The following MICU3 variants were observed in gnomAD, a reference collection of about 807,000 sequenced individuals.
The protein encoded by MICU3 is mitochondrial calcium uptake 3, also known as calcium uptake protein 3, mitochondrial.
MICU3 carries 62 observed loss-of-function variants against 66.5 expected under a neutral mutation model. The ratio of observed to expected loss-of-function variants is 0.93; its 90% confidence interval spans 0.76 to 1.15. The LOEUF (loss-of-function observed/expected upper bound fraction) is 1.15, where lower values mean the gene tolerates loss of function less well. Ranked by LOEUF, MICU3 falls within the 50% of genes most tolerant of loss-of-function variation. MICU3 has a pLI of 0.00. For missense variants in MICU3, 779 were observed against 664.4 expected (o/e 1.17, Z -1.90); for synonymous variants, 308 against 240.7 (o/e 1.28, Z -2.59).
chr8:17,094,271 A>C (rs1800424216), intron 8 of MICU3, among the ~76,000 whole-genome samples: 1 of 152,006 alleles, frequency 6.6e-6, no homozygotes, highest in African/African-American at 2.4e-5. Flanking sequence ...GCTTTCAAGC[A>C]TTGTGGTCTG....
intron 1 of MICU3, among the ~76,000 whole-genome samples, chr8:17,060,200 T>G (rs1455593060): frequency 6.6e-6 from 1 of 152,190 alleles, no homozygotes; most frequent in African/African-American, 2.4e-5. Context: ...TCCTGTCTCA[T>G]TCTCCATCCA....
the MICU3 span, among the ~76,000 whole-genome samples, chr8:17,129,491 A>T: frequency 2.6e-5 from 4 of 152,226 alleles, no homozygotes; most frequent in African/African-American, 9.6e-5. Context: ...AGAATTGAAA[A>T]ATACAATACT....
chr8:17,091,949 C>G (rs1228502306), intron 8 of MICU3, among the ~76,000 whole-genome samples: 1 of 152,050 alleles, frequency 6.6e-6, no homozygotes, highest in African/African-American at 2.4e-5. Context: ...ATGATCTCAG[C>G]TCACTGCAAC....
chr8:17,036,457 A>C (rs1585165936), intron 1 of MICU3, among the ~76,000 whole-genome samples: 1 of 152,088 alleles, frequency 6.6e-6, no homozygotes, highest in Admixed American at 6.5e-5. Flanking sequence ...GGCCCCATCC[A>C]CATCCTGCTG....
In MICU3 at chr8:17,027,270, G is replaced by T. The variant is rs765405139; in HGVS notation, c.-10G>T. On this transcript the variant is annotated 5_prime_UTR_variant, in exon 1 of 15. Transcript: ENST00000318063. ...GCCCCCTCCCAGCTCTGGTGTGGGCGGCCTCCGCTATGGCTGCGCTGCGAA... is the reference window on the plus strand; with the variant it reads ...GCCCCCTCCCAGCTCTGGTGTGGGCTGCCTCCGCTATGGCTGCGCTGCGAA... 3 of 1,423,330 alleles carry T rather than the reference G, an allele frequency of 2.1e-6. No individual in the cohort carries two copies. The South Asian group carries it at 4.4e-5, about 21-fold the overall frequency. 88.2% of individuals were successfully genotyped at this position (1,423,330 alleles called of 1,614,324 possible). A position where few individuals can be genotyped will look rare whatever the true frequency, so the allele number is the denominator to read the frequency against.
the MICU3 span, chr8:17,131,968 C>G: frequency 2.0e-5 from 3 of 152,176 alleles, no homozygotes; most frequent in Admixed American, 1.3e-4. Context: ...ATACCTTCTA[C>G]GCACACTTGA....
chr8:17,133,174 T>C, the MICU3 span: 1 of 152,228 alleles, frequency 6.6e-6, no homozygotes, highest in Non-Finnish European at 1.5e-5. Context: ...CATTCTTTCA[T>C]CCTACTTTTG....
At chr8:17,051,780 G>T (rs1393668772) in intron 1 of MICU3, among the ~76,000 whole-genome samples, 2 of 152,098 alleles carry the variant, frequency 1.3e-5, no homozygotes, top group East Asian at 3.9e-4. Context: ...AGAGAGCCTT[G>T]CTGGAGTAAG....
At chr8:17,138,073 A>T in the MICU3 span, among the ~76,000 whole-genome samples, 1 of 151,948 alleles carries the variant, frequency 6.6e-6, no homozygotes, top group Non-Finnish European at 1.5e-5. Flanking sequence ...ATTATAATGG[A>T]GGAAGGAATA....
At chr8:17,051,594 T>G (rs751359130) in intron 1 of MICU3, among the ~76,000 whole-genome samples, 1 of 152,036 alleles carries the variant, frequency 6.6e-6, no homozygotes, top group Non-Finnish European at 1.5e-5. Flanking sequence ...CCCAGAGGGA[T>G]AGGAGGAAAA....
chr8:17,027,319 G>T lies in MICU3; in HGVS notation c.40G>T (p.Val14Leu). Residue 14 changes from valine to leucine, a missense_variant, in exon 1 of 15, where the codon GTG becomes TTG. Transcript: ENST00000318063. ...AAGGCTCTTGTGGCCGCCACCCCGG[G>T]TGTCTCCTCCACTCTGCGCTCACCA... ...LRRLLWPPPR[V>L]SPPLCAHQPL... is the part of the protein sequence containing the mutation. 7.0e-7 allele frequency: 1 copy of T among 1,421,418 alleles called. No individual in the cohort carries two copies. The allele number at this position is 1,421,418 out of a possible 1,614,324, so 88.1% of individuals were successfully genotyped here. A position where few individuals can be genotyped will look rare whatever the true frequency, so the allele number is the denominator to read the frequency against.
chr8:17,035,135 C>G (rs1275281991), intron 1 of MICU3, among the ~76,000 whole-genome samples: 2 of 152,196 alleles, frequency 1.3e-5, no homozygotes, highest in Non-Finnish European at 2.9e-5. Flanking sequence ...TGACTCTGCT[C>G]CTCTTTCACC....
chr8:17,116,573 G>C lies in MICU3; in HGVS notation c.1497G>C (p.Met499Ile). 1.3e-6 allele frequency: 2 copies of C among 1,564,418 alleles called. No individual in the cohort carries two copies. The highest frequency in any genetic ancestry group is 1.7e-6 in the Non-Finnish European group (2 of 1,163,786). ...QLSYKEFIGI[M>I]KDRLHRGFRG... ...GTTATAAAGAATTTATTGGAATTATGAAAGACAGACTCCATAGAGGATTCC... is the reference window on the plus strand; with the variant it reads ...GTTATAAAGAATTTATTGGAATTATCAAAGACAGACTCCATAGAGGATTCC... Residue 499 changes from methionine to isoleucine, a missense_variant, in exon 13 of 15, where the codon ATG (methionine) becomes ATC (isoleucine). Physicochemically the swap from Met to Ile is conservative, Grantham distance 10. Coordinates refer to ENST00000318063, the MANE Select transcript of MICU3 (RefSeq NM_181723.3).
At position 17,094,645 on chromosome 8, in the gene MICU3, T is replaced by TA. The variant is rs1404375354; in HGVS notation, c.889-3803dup. 2.0e-3 allele frequency among the ~76,000 whole-genome samples: 301 copies of TA among 150,070 alleles called. 1 individual carries two copies. The highest frequency in any genetic ancestry group is 2.7e-3 in the Non-Finnish European group (180 of 67,288). On this transcript the variant is annotated intron_variant, in intron 8 of 14. Coordinates refer to ENST00000318063, the MANE Select transcript of MICU3 (RefSeq NM_181723.3). Reference sequence around the variant, plus strand: ...TGACAGGCTCTCGCTTGGTTCATTTTAAAAAAAAAATGTCTACCAGGTACT... The same window carrying TA: ...TGACAGGCTCTCGCTTGGTTCATTTTAAAAAAAAAAATGTCTACCAGGTACT...
intron 1 of MICU3, among the ~76,000 whole-genome samples, chr8:17,035,985 A>G (rs1231334640): frequency 6.6e-6 from 1 of 152,198 alleles, no homozygotes; most frequent in Non-Finnish European, 1.5e-5. Context: ...GGCCGGGACT[A>G]GTACCTTTGT....
chr8:17,055,167 A>G (rs1816739381), intron 1 of MICU3, among the ~76,000 whole-genome samples: 1 of 152,226 alleles, frequency 6.6e-6, no homozygotes, highest in Non-Finnish European at 1.5e-5. Flanking sequence ...GCCCATGGCT[A>G]TGTCTAAGAA....
intron 8 of MICU3, among the ~76,000 whole-genome samples, chr8:17,096,930 AG>A (rs1328568984): frequency 1.3e-5 from 2 of 149,562 alleles, no homozygotes; most frequent in Non-Finnish European, 3.0e-5. Flanking sequence ...AACTAATTTT[AG>A]TTCTTAATAC....
At chr8:17,049,530 T>C (rs779878949) in intron 1 of MICU3, 4 of 503,906 alleles carry the variant, frequency 7.9e-6, no homozygotes, top group Non-Finnish European at 1.6e-5. Flanking sequence ...GTCCATTTTA[T>C]AGTTGAAAAT....
At chr8:17,028,695 TG>T (rs1159567529) in intron 1 of MICU3, among the ~76,000 whole-genome samples, 4 of 152,202 alleles carry the variant, frequency 2.6e-5, no homozygotes, top group Non-Finnish European at 5.9e-5. Context: ...ATCTGCTTTA[TG>T]GACTATCTAG....
Sources: allele counts gnomAD v4.1 joint callset (sites outside exome capture counted in the v4.1 genomes callset), GRCh38; gene constraint gnomAD v4.1.1; transcripts MANE v1.5; gene names NCBI Gene and HGNC (gene_info 2026-07-23, HGNC 2026-07-21).